CAMK4: variants seen among roughly 807,000 people sequenced by gnomAD.
The protein encoded by CAMK4 is calcium/calmodulin dependent protein kinase IV, also known as calcium/calmodulin-dependent protein kinase type IV.
A neutral mutation model predicts 44.9 loss-of-function variants in CAMK4; 22 were observed. The observed-to-expected ratio is 0.49, with a 90% confidence interval of 0.35 to 0.70. The LOEUF (loss-of-function observed/expected upper bound fraction) is 0.70, where lower values mean the gene tolerates loss of function less well. CAMK4 is among the 30% of genes least tolerant of loss of function. CAMK4 has a pLI of 0.01. For missense variants in CAMK4, 498 were observed against 586.8 expected, an observed-to-expected ratio of 0.85 and a Z score of 1.56; for synonymous variants, 218 against 215.4, an observed-to-expected ratio of 1.01 and a Z score of -0.11.
intron 1 of CAMK4, among the ~76,000 whole-genome samples, chr5:111,340,525 T>A (rs1160782684): frequency 2.0e-5 from 3 of 151,338 alleles, no homozygotes; most frequent in Non-Finnish European, 4.4e-5. Flanking sequence ...CAATTACTGA[T>A]TTGAATATGT....
chr5:111,315,830 A>G (rs1417889578), intron 1 of CAMK4, among the ~76,000 whole-genome samples: 3 of 152,144 alleles, frequency 2.0e-5, no homozygotes, highest in Admixed American at 6.6e-5. Context: ...CTTCTGCTAG[A>G]TAACTGTCAC....
chr5:111,265,130 G>A (rs1405458998), intron 1 of CAMK4, among the ~76,000 whole-genome samples: 1 of 152,046 alleles, frequency 6.6e-6, no homozygotes, highest in African/African-American at 2.4e-5. Flanking sequence ...TAAGCCCCAT[G>A]AAGGCAAGGA....
intron 1 of CAMK4, among the ~76,000 whole-genome samples, chr5:111,237,536 G>A (rs1432782143): frequency 1.3e-5 from 2 of 152,184 alleles, no homozygotes; most frequent in African/African-American, 4.8e-5. Context: ...TTTAAAAAAT[G>A]TACCTATTGT....
chr5:111,325,005 CA>C, intron 1 of CAMK4, among the ~76,000 whole-genome samples: 1 of 151,916 alleles, frequency 6.6e-6, no homozygotes, highest in South Asian at 2.1e-4. Flanking sequence ...CCCCTTCCCC[CA>C]ACCCCCCAAC....
At chr5:111,308,009 C>T (rs1357880804) in intron 1 of CAMK4, among the ~76,000 whole-genome samples, 2 of 96,508 alleles carry the variant, frequency 2.1e-5, no homozygotes, top group African/African-American at 9.4e-5. Context: ...AACAAAAAAC[C>T]AAACACCGCA....
At chr5:111,378,298 A>C (rs1346591191) in intron 4 of CAMK4, among the ~76,000 whole-genome samples, 1 of 152,138 alleles carries the variant, frequency 6.6e-6, no homozygotes, top group African/African-American at 2.4e-5. Context: ...ACCTGTGAGA[A>C]ATAAATGTTT....
At chr5:111,352,391 T>G (rs1218363044) in intron 2 of CAMK4, among the ~76,000 whole-genome samples, 2 of 152,044 alleles carry the variant, frequency 1.3e-5, no homozygotes, top group Non-Finnish European at 2.9e-5. Context: ...GAAAGATACT[T>G]CTTAGAAAAC....
chr5:111,393,700 C>G (rs1216688760), intron 4 of CAMK4, among the ~76,000 whole-genome samples: 3 of 151,942 alleles, frequency 2.0e-5, no homozygotes, highest in Non-Finnish European at 4.4e-5. Flanking sequence ...ACAACACACA[C>G]TGGGGCCTAT....
chr5:111,342,658 T>C (rs1038373426), intron 1 of CAMK4, among the ~76,000 whole-genome samples: 3 of 151,546 alleles, frequency 2.0e-5, no homozygotes, highest in African/African-American at 7.2e-5. Context: ...ACCACCACAT[T>C]GTTAGCTGTT....
At chr5:111,312,555 G>T (rs1367355828) in intron 1 of CAMK4, among the ~76,000 whole-genome samples, 1 of 152,140 alleles carries the variant, frequency 6.6e-6, no homozygotes, top group South Asian at 2.1e-4. Context: ...AGCAGACTCA[G>T]TCAGTGTATC....
intron 2 of CAMK4, among the ~76,000 whole-genome samples, chr5:111,368,719 C>T (rs1392902759): frequency 5.9e-5 from 9 of 152,032 alleles, no homozygotes; most frequent in Admixed American, 3.3e-4. Flanking sequence ...TACTTAGACT[C>T]GTAAATCAGG....
chr5:111,370,140 T>TTC (rs1750949941), intron 2 of CAMK4, among the ~76,000 whole-genome samples: 1 of 152,118 alleles, frequency 6.6e-6, no homozygotes. Flanking sequence ...ATTACCTTTT[T>TTC]AAGAAATGTT....
intron 1 of CAMK4, among the ~76,000 whole-genome samples, chr5:111,256,222 T>C (rs1309412420): frequency 6.6e-6 from 1 of 152,190 alleles, no homozygotes; most frequent in African/African-American, 2.4e-5. Context: ...ACTTTCAAAA[T>C]GACCAAATTA....
At chr5:111,331,900 TG>T (rs2112723055) in intron 1 of CAMK4, among the ~76,000 whole-genome samples, 2 of 151,758 alleles carry the variant, frequency 1.3e-5, no homozygotes, top group Admixed American at 6.6e-5. Flanking sequence ...TTTCATATTA[TG>T]TTTTAAGTTC....
At chr5:111,478,584 T>A (rs918622969) in intron 9 of CAMK4, 77 bp downstream of exon 9, 56 of 702,778 alleles carry the variant, frequency 8.0e-5, no homozygotes, top group African/African-American at 4.5e-4. Flanking sequence ...TACAATTTTT[T>A]AAAATTTTAC....
intron 4 of CAMK4, among the ~76,000 whole-genome samples, chr5:111,390,762 A>C (rs1175699334): frequency 6.6e-6 from 1 of 152,178 alleles, no homozygotes; most frequent in Non-Finnish European, 1.5e-5. Flanking sequence ...TGTTCTGAAA[A>C]ATCAAAAACT....
At chr5:111,447,715 C>T (rs556039500) in intron 6 of CAMK4, among the ~76,000 whole-genome samples, 6 of 152,298 alleles carry the variant, frequency 3.9e-5, no homozygotes, top group South Asian at 2.1e-4. Context: ...TGCTAATCTG[C>T]GAAGTTCACT....
At chr5:111,457,811 TAA>T (rs1395127695) in intron 7 of CAMK4, among the ~76,000 whole-genome samples, 1 of 152,200 alleles carries the variant, frequency 6.6e-6, no homozygotes, top group African/African-American at 2.4e-5. Context: ...AGTGAAATAA[TAA>T]GAGTCTTAAA....
chr5:111,272,115 G>T (rs1580512082), intron 1 of CAMK4, among the ~76,000 whole-genome samples: 1 of 151,996 alleles, frequency 6.6e-6, no homozygotes, highest in Admixed American at 6.6e-5. Flanking sequence ...GTTTGTGTGT[G>T]TGTTTGTGTG....
Sources: gnomAD v4.1 joint callset for allele counts (sites outside exome capture counted in the v4.1 genomes callset) on GRCh38, gnomAD v4.1.1 for gene constraint, MANE v1.5 for transcripts, NCBI Gene and HGNC (gene_info 2026-07-23, HGNC 2026-07-21) for gene names.